The following PHLPP1 variants were observed in gnomAD, a reference collection of about 807,000 sequenced individuals.
PHLPP1 encodes PH domain leucine-rich repeat-containing protein phosphatase 1.
A neutral mutation model predicts 117.2 loss-of-function variants in PHLPP1; 42 were observed. The ratio of observed to expected loss-of-function variants is 0.36; its 90% CI spans 0.28 to 0.46. The LOEUF (loss-of-function observed/expected upper bound fraction) is 0.46, where lower values mean the gene tolerates loss of function less well. Among genes scored for constraint, PHLPP1 ranks in the 20% least tolerant of loss-of-function variants. The pLI is 1.00. For missense variants in PHLPP1, 2,084 were observed against 2,241.9 expected, an observed-to-expected ratio of 0.93 and a Z score of 1.42; for synonymous variants, 1,042 against 970.7, an observed-to-expected ratio of 1.07 and a Z score of -1.37.
At chr18:62,814,336 C>T (rs1381598044) in intron 1 of PHLPP1, among the ~76,000 whole-genome samples, 1 of 152,200 alleles carries the variant, frequency 6.6e-6, no homozygotes, top group Non-Finnish European at 1.5e-5. Context: ...AAGCTCCTGC[C>T]AGCACTCCTT....
intron 1 of PHLPP1, among the ~76,000 whole-genome samples, chr18:62,721,428 G>A (rs904522221): frequency 4.7e-5 from 7 of 149,958 alleles, no homozygotes; most frequent in Non-Finnish European, 1.0e-4. Context: ...TGAGGGGTGT[G>A]GGTGTGTGTG....
chr18:62,770,267 C>T (rs1912715257), intron 1 of PHLPP1, among the ~76,000 whole-genome samples: 2 of 152,114 alleles, frequency 1.3e-5, no homozygotes, highest in African/African-American at 2.4e-5. Context: ...TGCACCACCA[C>T]ACCTGGCTAA....
intron 1 of PHLPP1, among the ~76,000 whole-genome samples, chr18:62,774,666 ATTTCATCTGTGTTCTTGAC>A (rs1327079515): frequency 6.6e-6 from 1 of 152,176 alleles, no homozygotes; most frequent in African/African-American, 2.4e-5. Flanking sequence ...TAAGGTAACA[ATTTCATCTGTGTTCTTGAC>A]TTTCGTTTAG....
intron 8 of PHLPP1, among the ~76,000 whole-genome samples, chr18:62,907,646 G>T (rs1916889237): frequency 1.0e-5 from 1 of 99,378 alleles, no homozygotes; most frequent in African/African-American, 3.9e-5. Flanking sequence ...ATGGGACTAT[G>T]TGAAAAGACC....
intron 4 of PHLPP1, among the ~76,000 whole-genome samples, chr18:62,874,739 C>T (rs759108738): frequency 1.1e-4 from 17 of 152,126 alleles, no homozygotes; most frequent in Non-Finnish European, 2.4e-4. Flanking sequence ...CATGTGGACA[C>T]ACTGGTGAAC....
intron 12 of PHLPP1, among the ~76,000 whole-genome samples, chr18:62,952,261 T>C (rs1285787368): frequency 6.6e-6 from 1 of 152,126 alleles, no homozygotes. Flanking sequence ...CCTTGTCTCT[T>C]TGGGGATAAA....
At chr18:62,768,713 A>G (rs1049280532) in intron 1 of PHLPP1, among the ~76,000 whole-genome samples, 4 of 152,224 alleles carry the variant, frequency 2.6e-5, no homozygotes, top group African/African-American at 9.7e-5. Flanking sequence ...AGGCATTCTC[A>G]GTGACAATAA....
chr18:62,781,196 T>A (rs565115561), intron 1 of PHLPP1, among the ~76,000 whole-genome samples: 1 of 152,200 alleles, frequency 6.6e-6, no homozygotes, highest in South Asian at 2.1e-4. Context: ...TTGGGAGAGC[T>A]TAAGTAAATT....
Position 62,972,609 on chromosome 18 carries a change from A to C in PHLPP1, c.3656A>C (p.Tyr1219Ser). 8.1e-6 allele frequency: 13 copies of C among 1,613,868 alleles called. No homozygotes were observed. Among genetic ancestry groups the C allele is most frequent in the Non-Finnish European group, 1.1e-5 (13 of 1,179,764 alleles). ...GGAGACCGGAATGTGGAGGTGCCCT[A>C]CCTTCTCCAGTGCACTATGAGTGAC... The part of the protein sequence containing the change: ...FDGDRNVEVP[Y>S]LLQCTMSDIL... The change falls in exon 15 of 17, where the codon TAC (tyrosine) becomes TCC (serine). Residue 1219 changes from tyrosine to serine, a missense_variant. Physicochemically the swap from Tyr to Ser is moderately radical, Grantham distance 144. Coordinates refer to ENST00000262719, the MANE Select transcript of PHLPP1 (RefSeq NM_194449.4).
intron 3 of PHLPP1, among the ~76,000 whole-genome samples, chr18:62,859,054 GT>G (rs2046278770): frequency 6.6e-6 from 1 of 152,266 alleles, no homozygotes; most frequent in African/African-American, 2.4e-5. Context: ...TAAGGACTAC[GT>G]TCTACTGCCT....
At chr18:62,810,202 T>G (rs1008592252) in intron 1 of PHLPP1, among the ~76,000 whole-genome samples, 1 of 152,230 alleles carries the variant, frequency 6.6e-6, no homozygotes, top group African/African-American at 2.4e-5. Context: ...CTATAGTAGT[T>G]TGAATTTCCA....
chr18:62,849,828 A>ATATATATATAT (rs1297336371), intron 3 of PHLPP1, among the ~76,000 whole-genome samples: 11 of 26,118 alleles, frequency 4.2e-4, no homozygotes, highest in Non-Finnish European at 5.1e-4. Context: ...AAAAAAAAAA[A>ATATATATATAT]AAAAATATAT....
chr18:62,900,929 T>G (rs1916708043), intron 6 of PHLPP1, among the ~76,000 whole-genome samples: 1 of 152,246 alleles, frequency 6.6e-6, no homozygotes, highest in Non-Finnish European at 1.5e-5. Context: ...TACAGTTTTA[T>G]CTGTCAATTA....
chr18:62,962,282 C>A (rs1388517910), intron 13 of PHLPP1, among the ~76,000 whole-genome samples: 5 of 147,730 alleles, frequency 3.4e-5, no homozygotes, highest in African/African-American at 1.1e-4. Flanking sequence ...ATTTTATGTT[C>A]TTTTATGTTA....
intron 1 of PHLPP1, among the ~76,000 whole-genome samples, chr18:62,804,235 G>A (rs901880322): frequency 2.0e-5 from 3 of 152,136 alleles, no homozygotes; most frequent in African/African-American, 7.2e-5. Flanking sequence ...CATGAGAACA[G>A]CATGGGAGAA....
intron 1 of PHLPP1, among the ~76,000 whole-genome samples, chr18:62,824,468 C>A (rs528375211): frequency 6.6e-6 from 1 of 152,066 alleles, no homozygotes; most frequent in Non-Finnish European, 1.5e-5. Flanking sequence ...TGCCTGAGCG[C>A]GGGAGGAACT....
At chr18:62,964,394 A>C (rs1309952574) in intron 14 of PHLPP1, among the ~76,000 whole-genome samples, 1 of 152,212 alleles carries the variant, frequency 6.6e-6, no homozygotes, top group Non-Finnish European at 1.5e-5. Context: ...GACTAGCTGA[A>C]TACTCTTCAT....
intron 1 of PHLPP1, among the ~76,000 whole-genome samples, chr18:62,773,303 T>A (rs995470571): frequency 6.6e-6 from 1 of 152,198 alleles, no homozygotes; most frequent in Non-Finnish European, 1.5e-5. Context: ...TAGCTACAAG[T>A]CTCCATAGGT....
chr18:62,806,655 C>T (rs1161722866), intron 1 of PHLPP1, among the ~76,000 whole-genome samples: 2 of 152,086 alleles, frequency 1.3e-5, no homozygotes, highest in Non-Finnish European at 2.9e-5. Flanking sequence ...GTGTACACTC[C>T]TTTCTGTAAT....
Sources: gnomAD v4.1 joint callset for allele counts (sites outside exome capture counted in the v4.1 genomes callset) on GRCh38, gnomAD v4.1.1 for gene constraint, MANE v1.5 for transcripts, NCBI Gene and HGNC (gene_info 2026-07-23, HGNC 2026-07-21) for gene names.